TPI1: variants seen among roughly 807,000 people sequenced by gnomAD.
TPI1 encodes triosephosphate isomerase 1, also known as triosephosphate isomerase.
In TPI1, 11 loss-of-function variants were observed where a neutral mutation model predicts 31.0. That is an observed-to-expected ratio of 0.36 (90% CI 0.22 to 0.59). The LOEUF (loss-of-function observed/expected upper bound fraction) is 0.59, where lower values mean the gene tolerates loss of function less well. TPI1 is among the 20% of genes least tolerant of loss of function. The pLI, the probability that TPI1 is intolerant of heterozygous loss-of-function variation, is 0.79. For synonymous variants in TPI1, 121 were observed against 122.8 expected (o/e 0.99, Z 0.10); for missense variants, 245 against 319.7 (o/e 0.77, Z 1.78).
intron 1 of TPI1, among the ~76,000 whole-genome samples, 160 bp downstream of exon 1, chr12:6,867,841 C>T (rs1944491780): frequency 6.6e-6 from 1 of 152,140 alleles, no homozygotes; most frequent in Non-Finnish European, 1.5e-5. Context: ...GCAGGGGCCT[C>T]GCAGCCGCAG....
rs1591618476 is a variant in TPI1, at chr12:6,870,384, G to A, written c.*1G>A. 1 of 1,607,160 alleles carries A rather than the reference G, an allele frequency of 6.2e-7. No individual in the cohort carries two copies. The highest frequency in any genetic ancestry group is 1.7e-5 in the Admixed American group (1 of 59,994). ...GGACATCATCAATGCCAAACAATGA[G>A]CCCCATCCATCTTCCCTACCCTTCC... is the stretch of plus-strand genomic sequence containing the variant. On this transcript the variant is annotated 3_prime_UTR_variant, in exon 7 of 7. Coordinates refer to ENST00000396705, the MANE Select transcript of TPI1 (RefSeq NM_000365.6).
rs899259413 is a variant in TPI1, at chr12:6,870,559, C to T, written c.*176C>T. Reference sequence around the variant, plus strand: ...ATCTTCACCCTGTAATGGTTGGGACCAGGCCAATCCCTTCTCCACTTACTA... The same window carrying T: ...ATCTTCACCCTGTAATGGTTGGGACTAGGCCAATCCCTTCTCCACTTACTA... On this transcript the variant is annotated 3_prime_UTR_variant, in exon 7 of 7. Transcript: ENST00000396705. 2 of 766,636 alleles carry T rather than the reference C, an allele frequency of 2.6e-6. No individual in the cohort carries two copies. Among genetic ancestry groups the T allele is most frequent in the Non-Finnish European group, 4.8e-6 (2 of 413,798 alleles). 47.5% of individuals were successfully genotyped at this position (766,636 alleles called of 1,614,324 possible).
chr12:6,868,106 T>A (rs1170307687), intron 1 of TPI1: 22 of 1,270,462 alleles, frequency 1.7e-5, no homozygotes, highest in Non-Finnish European at 2.2e-5. Flanking sequence ...CCCAGACTCC[T>A]CCCCTTCCTC....
chr12:6,869,720 G>T lies in TPI1; in HGVS notation c.490G>T (p.Ala164Ser), dbSNP rs782594721. ...NVKDWSKVVLAYEPVWAIGTG... is the reference protein window; with the variant it reads ...NVKDWSKVVLSYEPVWAIGTG... ...GAAGGACTGGAGCAAGGTCGTCCTG[G>T]CCTATGAGCCTGTGTGGGCCATTGG... Residue 164 changes from alanine to serine, a missense_variant, in exon 5 of 7, where the codon GCC becomes TCC. Around this residue, in one of 3 missense-constraint regions of TPI1, gnomAD observed 127 missense variants for 163.7 expected, o/e 0.78. Coordinates refer to ENST00000396705, the MANE Select transcript of TPI1 (RefSeq NM_000365.6). The T allele has an allele frequency of 1.2e-6, 2 of 1,614,090 alleles. No homozygotes were observed. Among genetic ancestry groups the T allele is most frequent in the African/African-American group, 2.7e-5 (2 of 74,922 alleles).
At chr12:6,869,618 A>T in intron 4 of TPI1, 70 bp from the exon 5 acceptor site, 2 of 1,568,776 alleles carry the variant, frequency 1.3e-6, no homozygotes, top group Non-Finnish European at 1.8e-6. Context: ...CGTTCTTCGT[A>T]CTCCGGAGAA....
rs782764628 is a variant in TPI1 at position 6,870,643 on chromosome 12, G to A, written c.*260G>A. On this transcript the variant is annotated 3_prime_UTR_variant, in exon 7 of 7. Transcript: ENST00000396705. ...TCTCCTTGGCTGAGAGATGGAAGGCGTGGTGGGATTTGCTCCTGGGTTCCC... is the reference window on the plus strand; with the variant it reads ...TCTCCTTGGCTGAGAGATGGAAGGCATGGTGGGATTTGCTCCTGGGTTCCC... The A allele has an allele frequency of 3.5e-5, 23 of 651,090 alleles. No individual in the cohort carries two copies. The highest frequency in any genetic ancestry group is 2.3e-4 in the South Asian group (17 of 72,714). The allele number at this position is 651,090 out of a possible 1,614,324, so 40.3% of individuals were successfully genotyped here. A position where few individuals can be genotyped will look rare whatever the true frequency, so the allele number is the denominator to read the frequency against.
intron 1 of TPI1, chr12:6,868,119 C>T (rs1442202423): frequency 3.1e-6 from 4 of 1,272,404 alleles, no homozygotes; most frequent in East Asian, 5.7e-5. Flanking sequence ...CCTTCCTCGC[C>T]GGCGTCCGCG....
intron 1 of TPI1, 73 bp from the exon 2 acceptor site, chr12:6,868,791 G>A (rs1289420120): frequency 2.4e-5 from 37 of 1,557,754 alleles, no homozygotes; most frequent in Non-Finnish European, 3.1e-5. Context: ...GGGCTCCAGG[G>A]CACTGGTTAG....
At chr12:6,869,070 C>A (rs1555132113) in intron 2 of TPI1, 29 bp from the exon 3 acceptor site, 1 of 1,614,194 alleles carries the variant, frequency 6.2e-7, no homozygotes, top group Admixed American at 1.7e-5. Context: ...GGGCTCCCTG[C>A]TGAACCTTGG....
rs1944555118 is a variant in TPI1, at chr12:6,870,146, T to G, written c.631+10T>G. ...CGTATCATTTATGGAGGTGAGTGGC[T>G]TTGGTTCCCGGCTGAGGTGGAGTGG... On this transcript the variant is annotated intron_variant, in intron 6 of 6. Coordinates refer to ENST00000396705, the MANE Select transcript of TPI1 (RefSeq NM_000365.6). 6.2e-7 allele frequency: 1 copy of G among 1,613,164 alleles called. No homozygotes were observed. The highest frequency in any genetic ancestry group is 1.3e-5 in the African/African-American group (1 of 74,858).
chr12:6,867,598 G>C lies in TPI1; in HGVS notation c.32G>C (p.Gly11Ala), dbSNP rs1407900591. 6.2e-6 allele frequency: 10 copies of C among 1,613,114 alleles called. No homozygotes were observed. Among genetic ancestry groups the C allele is most frequent in the Non-Finnish European group, 8.5e-6 (10 of 1,179,798 alleles). MAPSRKFFVG[G>A]NWKMNGRKQS... ...CCCTCCAGGAAGTTCTTCGTTGGGG[G>C]AAACTGGAAGATGAACGGGCGGAAG... Residue 11 changes from glycine to alanine, a missense_variant, in exon 1 of 7, where the codon GGA becomes GCA. Gly to Ala is a moderately conservative substitution (Grantham distance 60). Coordinates refer to ENST00000396705, the MANE Select transcript of TPI1 (RefSeq NM_000365.6).
intron 5 of TPI1, 60 bp downstream of exon 5, chr12:6,869,833 A>G: frequency 6.3e-7 from 1 of 1,584,846 alleles, no homozygotes; most frequent in Non-Finnish European, 8.7e-7. Context: ...TTGGACAGAC[A>G]CAGCCCACAT....
At position 6,868,656 on chromosome 12, in the gene TPI1, A is replaced by G. The variant is rs568453410; in HGVS notation, c.116-208A>G. ...GGCAGGGTGAGGGCCGTGGCCTCTCAGGGGTATCTGGAAGGCTCTTCGAGT... is the reference window on the plus strand; with the variant it reads ...GGCAGGGTGAGGGCCGTGGCCTCTCGGGGGTATCTGGAAGGCTCTTCGAGT... On this transcript the variant is annotated intron_variant, in intron 1 of 6. Coordinates refer to ENST00000396705, the MANE Select transcript of TPI1 (RefSeq NM_000365.6). 1.4e-3 allele frequency: 1,834 copies of G among 1,329,064 alleles called. 1 individual carries two copies. Among genetic ancestry groups the G allele is most frequent in the Non-Finnish European group, 1.7e-3 (1,684 of 982,798 alleles). 82.3% of individuals were successfully genotyped at this position (1,329,064 alleles called of 1,614,324 possible).
chr12:6,868,111 T>G lies in TPI1; in HGVS notation c.115+430T>G, dbSNP rs2071066. 11 of 1,270,856 alleles carry G rather than the reference T, an allele frequency of 8.7e-6. No homozygotes were observed. The Admixed American group carries it at 2.1e-4, about 25-fold the overall frequency. 78.7% of individuals were successfully genotyped at this position (1,270,856 alleles called of 1,614,324 possible). A position where few individuals can be genotyped will look rare whatever the true frequency, so the allele number is the denominator to read the frequency against. On this transcript the variant is annotated intron_variant, in intron 1 of 6. Coordinates refer to ENST00000396705, the MANE Select transcript of TPI1 (RefSeq NM_000365.6). The stretch of plus-strand genomic sequence containing the variant: ...CGCACGTAGCCCCAGACTCCTCCCC[T>G]TCCTCGCCGGCGTCCGCGTCCCCGC...
At chr12:6,870,026 C>T (rs782561391) in intron 5 of TPI1, 23 bp from the exon 6 acceptor site, 6 of 1,613,738 alleles carry the variant, frequency 3.7e-6, no homozygotes, top group South Asian at 1.1e-5. Context: ...AAAGGTCTTA[C>T]TTAGGCCAGC....
rs1006937482 is a variant in TPI1 at position 6,869,929 on chromosome 12, T to G, written c.544-120T>G. 408 of 1,395,450 alleles carry G rather than the reference T, an allele frequency of 2.9e-4. 3 individuals carry two copies. Among genetic ancestry groups the G allele is most frequent in the Non-Finnish European group, 5.5e-5 (54 of 983,822 alleles). The allele number at this position is 1,395,450 out of a possible 1,614,324, so 86.4% of individuals were successfully genotyped here. A position where few individuals can be genotyped will look rare whatever the true frequency, so the allele number is the denominator to read the frequency against. On this transcript the variant is annotated intron_variant, in intron 5 of 6. Coordinates refer to ENST00000396705, the MANE Select transcript of TPI1 (RefSeq NM_000365.6). The stretch of plus-strand genomic sequence containing the variant: ...AGGGCATCCAGTCCAGGGCCTGGCT[T>G]GGATCAGAGCCCTGGTACTCTGACT...
rs1418374708 is a variant in TPI1, at chr12:6,869,630, C to T, written c.458-58C>T. Reference sequence around the variant, plus strand: ...CACCGTTCTTCGTACTCCGGAGAACCTGGCTGGAGAGCTCTTTCTTGTTCA... The same window carrying T: ...CACCGTTCTTCGTACTCCGGAGAACTTGGCTGGAGAGCTCTTTCTTGTTCA... On this transcript the variant is annotated intron_variant, in intron 4 of 6. Coordinates refer to ENST00000396705, the MANE Select transcript of TPI1 (RefSeq NM_000365.6). 3 of 1,597,128 alleles carry T rather than the reference C, an allele frequency of 1.9e-6. No homozygotes were observed. The African/African-American group carries it at 4.0e-5, about 21-fold the overall frequency.
At chr12:6,867,713 GC>G (rs1555131610) in intron 1 of TPI1, 32 bp downstream of exon 1, 7 of 1,522,510 alleles carry the variant, frequency 4.6e-6, no homozygotes, top group Non-Finnish European at 6.1e-6. Context: ...GTCTGGCCGG[GC>G]CGGGGCCGGG....
At chr12:6,867,510 G>T, upstream of TPI1, 1 of 1,584,576 alleles carries the variant, frequency 6.3e-7, no homozygotes, top group Non-Finnish European at 8.6e-7. Context: ...CTATATAAGT[G>T]GGCAGTGGCC....
Sources: gnomAD v4.1 joint callset for allele counts (sites outside exome capture counted in the v4.1 genomes callset) on GRCh38, gnomAD v4.1.1 for gene constraint, gnomAD v4.1.1 regional missense constraint, MANE v1.5 for transcripts, NCBI Gene and HGNC (gene_info 2026-07-23, HGNC 2026-07-21) for gene names.